HMX3: variants seen among roughly 807,000 people sequenced by gnomAD.
The protein encoded by HMX3 is homeobox protein HMX3.
HMX3 carries 8 observed loss-of-function variants against 22.8 expected under a neutral mutation model. That is an observed-to-expected ratio of 0.35 (90% CI 0.21 to 0.63). HMX3 has a LOEUF of 0.63. HMX3 is among the 30% of genes least tolerant of loss of function. HMX3 has a pLI of 0.72. For synonymous variants in HMX3, 331 were observed against 250.9 expected (o/e 1.32, Z -3.02); for missense variants, 527 against 520.6 (o/e 1.01, Z -0.12).
chr10:123,137,286 A>G lies in HMX3; in HGVS notation c.629A>G (p.Glu210Gly), dbSNP rs1217162600. 6.3e-7 allele frequency: 1 copy of G among 1,599,686 alleles called. No individual in the cohort carries two copies. The highest frequency in any genetic ancestry group is 2.3e-5 in the East Asian group (1 of 44,154). Residue 210 changes from glutamate to glycine, a missense_variant, in exon 2 of 2, where the codon GAA (glutamate) becomes GGA (glycine). Physicochemically the swap from Glu to Gly is moderately conservative, Grantham distance 98. This residue lies in a region of HMX3 where 386 missense variants were observed against 337.8 expected (regional missense o/e 1.14). Coordinates refer to ENST00000357878, the MANE Select transcript of HMX3 (RefSeq NM_001105574.2). The surrounding 1 kb of genome is among the most constrained non-coding windows in gnomAD (Gnocchi z 5.8). ...GCGGCGGCGGCCACTCCGGGCGCAG[A>G]AGACTGGAAGAAGGGCGCTGAAAGT... The part of the protein sequence containing the change: ...VGAAAATPGA[E>G]DWKKGAESPE...
At position 123,135,975 on chromosome 10, in the gene HMX3, C is replaced by T; in HGVS notation, c.-76C>T. On this transcript the variant is annotated 5_prime_UTR_variant, in exon 1 of 2. Transcript: ENST00000357878. ...TTGAGTTCCGTTTATGGTCTGATTT[C>T]CGGCCTCTCGCCTGCTCGCCCCGCC... 7.8e-7 allele frequency: 1 copy of T among 1,280,218 alleles called. No individual in the cohort carries two copies. The allele number at this position is 1,280,218 out of a possible 1,614,324, so 79.3% of individuals were successfully genotyped here.
In HMX3 at chr10:123,137,832, G is replaced by A. The variant is rs2133550208; in HGVS notation, c.*101G>A. The A allele has an allele frequency of 2.3e-6, 2 of 864,688 alleles. No individual in the cohort carries two copies. Among genetic ancestry groups the A allele is most frequent in the Non-Finnish European group, 3.3e-6 (2 of 608,820 alleles). The allele number at this position is 864,688 out of a possible 1,614,324, so 53.6% of individuals were successfully genotyped here. ...CGCCGAGAAGTCCAGCGGCCTTCAG[G>A]AACTGGGGCTTGGGCGCGCAGCCTC... On this transcript the variant is annotated 3_prime_UTR_variant, in exon 2 of 2. Transcript: ENST00000357878. The surrounding 1 kb of genome is among the most constrained non-coding windows in gnomAD (Gnocchi z 5.8).
Position 123,136,024 on chromosome 10 carries a change from T to C in HMX3, c.-27T>C. The C allele has an allele frequency of 1.5e-6, 2 of 1,317,554 alleles. No homozygotes were observed. Among genetic ancestry groups the C allele is most frequent in the South Asian group, 2.2e-5 (1 of 45,366 alleles). 81.6% of individuals were successfully genotyped at this position (1,317,554 alleles called of 1,614,324 possible). ...CCGCCCGCCTGTCCCGCTCCCTCCC[T>C]CCCGGGGACCCGGAGGAGAGGGGAC... On this transcript the variant is annotated 5_prime_UTR_variant, in exon 1 of 2. Coordinates refer to ENST00000357878, the MANE Select transcript of HMX3 (RefSeq NM_001105574.2). This position sits in a 1 kb window ranked among gnomAD's most constrained non-coding sequence, Gnocchi z 4.8.
At position 123,136,473 on chromosome 10, in the gene HMX3, T is replaced by C. The variant is rs1467393313; in HGVS notation, c.400+23T>C. On this transcript the variant is annotated intron_variant, in intron 1 of 1. Transcript: ENST00000357878. This position sits in a 1 kb window ranked among gnomAD's most constrained non-coding sequence, Gnocchi z 4.8. The stretch of plus-strand genomic sequence containing the variant: ...AAGGTACCGACCTCTCTTTGAACTT[T>C]CGTTGTCCCCCTGCGCGCCCGCCCC... 3 of 1,354,530 alleles carry C rather than the reference T, an allele frequency of 2.2e-6. No individual in the cohort carries two copies. Among genetic ancestry groups the C allele is most frequent in the Admixed American group, 3.1e-5 (1 of 32,544 alleles). 83.9% of individuals were successfully genotyped at this position (1,354,530 alleles called of 1,614,324 possible).
Position 123,137,044 on chromosome 10 carries a change from G to T in HMX3, c.401-14G>T. ...GGTGTGCATGTGTGTGCGTCCGTCT[G>T]TCTGTCTCCCCAGCCTCGGAGAAGG... On this transcript the variant is annotated splice_polypyrimidine_tract_variant and intron_variant, in intron 1 of 1. Transcript: ENST00000357878. The surrounding 1 kb of genome is among the most constrained non-coding windows in gnomAD (Gnocchi z 5.8). The T allele has an allele frequency of 6.3e-7, 1 of 1,593,954 alleles. No homozygotes were observed. The highest frequency in any genetic ancestry group is 1.1e-5 in the South Asian group (1 of 88,698).
In HMX3 at chr10:123,137,801, C is replaced by T. The variant is rs1844095209; in HGVS notation, c.*70C>T. The T allele has an allele frequency of 8.3e-7, 1 of 1,209,574 alleles. No homozygotes were observed. Among genetic ancestry groups the T allele is most frequent in the South Asian group, 1.8e-5 (1 of 54,308 alleles). 74.9% of individuals were successfully genotyped at this position (1,209,574 alleles called of 1,614,324 possible). A position where few individuals can be genotyped will look rare whatever the true frequency, so the allele number is the denominator to read the frequency against. On this transcript the variant is annotated 3_prime_UTR_variant, in exon 2 of 2. Coordinates refer to ENST00000357878, the MANE Select transcript of HMX3 (RefSeq NM_001105574.2). The surrounding 1 kb of genome is among the most constrained non-coding windows in gnomAD (Gnocchi z 5.8). The stretch of plus-strand genomic sequence containing the variant: ...GACCCCGGAGGAGACTGGGCCGGGC[C>T]GAGGGCGCCGAGAAGTCCAGCGGCC...
At position 123,136,450 on chromosome 10, in the gene HMX3, G is replaced by T; in HGVS notation, c.400G>T (p.Ala134Ser). The T allele has an allele frequency of 7.0e-7, 1 of 1,419,772 alleles. No homozygotes were observed. 87.9% of individuals were successfully genotyped at this position (1,419,772 alleles called of 1,614,324 possible). A position where few individuals can be genotyped will look rare whatever the true frequency, so the allele number is the denominator to read the frequency against. ...PAGGHLPRPEASEKALLRDSS... is the reference protein window; with the variant it reads ...PAGGHLPRPESSEKALLRDSS... ...CGGCGGCCACCTCCCGCGACCTGAA[G>T]GTACCGACCTCTCTTTGAACTTTCG... The change falls in exon 1 of 2, where the codon GCC becomes TCC. Residue 134 changes from alanine (A) to serine (S), a missense_variant and splice_region_variant. This residue lies in a region of HMX3 where 386 missense variants were observed against 337.8 expected (regional missense o/e 1.14). Transcript: ENST00000357878. This position sits in a 1 kb window ranked among gnomAD's most constrained non-coding sequence, Gnocchi z 4.8.
Position 123,137,440 on chromosome 10 carries a change from C to A in HMX3, c.783C>A (p.Ala261=). Residue 261 remains alanine (A), a synonymous_variant, in exon 2 of 2, where the codon GCC becomes GCA. Coordinates refer to ENST00000357878, the MANE Select transcript of HMX3 (RefSeq NM_001105574.2). This position sits in a 1 kb window ranked among gnomAD's most constrained non-coding sequence, Gnocchi z 5.8. ...GCAGCTCGGAGCGAGCCGGCCTGGC[C>A]GCGTCCCTGCACCTCACCGAGACGC... The part of the protein sequence containing the change: ...YLSSSERAGL[A]ASLHLTETQV... 1.9e-6 allele frequency: 3 copies of A among 1,613,376 alleles called. No homozygotes were observed. The highest frequency in any genetic ancestry group is 2.5e-6 in the Non-Finnish European group (3 of 1,179,930).
In HMX3 at chr10:123,139,101, T is replaced by C. The variant is rs1844111843; in HGVS notation, c.*1370T>C. ...AGAAAGAAACAAGCTTAGGTAGTGA[T>C]GCTCAAAGGAGTAAGTTAGGCATAC... is the stretch of plus-strand genomic sequence containing the variant. On this transcript the variant is annotated 3_prime_UTR_variant, in exon 2 of 2. Coordinates refer to ENST00000357878, the MANE Select transcript of HMX3 (RefSeq NM_001105574.2). Among the ~76,000 whole-genome samples, 1 of 152,182 alleles carries C rather than the reference T, an allele frequency of 6.6e-6. No homozygotes were observed. The highest frequency in any genetic ancestry group is 2.1e-4 in the South Asian group (1 of 4,834).
rs1207374881 is a variant in HMX3, at chr10:123,137,986, G to A, written c.*255G>A. 3.3e-5 allele frequency among the ~76,000 whole-genome samples: 5 copies of A among 152,356 alleles called. No homozygotes were observed. The highest frequency in any genetic ancestry group is 5.9e-5 in the Non-Finnish European group (4 of 68,032). On this transcript the variant is annotated 3_prime_UTR_variant, in exon 2 of 2. Coordinates refer to ENST00000357878, the MANE Select transcript of HMX3 (RefSeq NM_001105574.2). The surrounding 1 kb of genome is among the most constrained non-coding windows in gnomAD (Gnocchi z 5.8). ...TTTTGGCTTATATTAAGAGAAAGCA[G>A]GAACAAGACAAAATTTTCGGGTCAG...
At position 123,137,213 on chromosome 10, in the gene HMX3, A is replaced by C. The variant is rs1417620471; in HGVS notation, c.556A>C (p.Lys186Gln). 1 of 1,599,232 alleles carries C rather than the reference A, an allele frequency of 6.3e-7. No individual in the cohort carries two copies. ...GGAGGAGAGCGACTCCGAGGAAAGC[A>C]AAAAGGAAGGCGAAGCGGCGCCAGG... is the stretch of plus-strand genomic sequence containing the variant. ...ILEESDSEES[K>Q]KEGEAAPGAA... Residue 186 changes from lysine to glutamine, a missense_variant, in exon 2 of 2, where the codon AAA becomes CAA. By Grantham distance (53) the Lys-to-Gln change is moderately conservative. This residue lies in a region of HMX3 where 386 missense variants were observed against 337.8 expected (regional missense o/e 1.14). Transcript: ENST00000357878. The surrounding 1 kb of genome is among the most constrained non-coding windows in gnomAD (Gnocchi z 5.8).
chr10:123,136,323 G>C lies in HMX3; in HGVS notation c.273G>C (p.Leu91=), dbSNP rs768714765. 9 of 1,567,108 alleles carry C rather than the reference G, an allele frequency of 5.7e-6. No homozygotes were observed. The highest frequency in any genetic ancestry group is 2.8e-5 in the African/African-American group (2 of 71,132). The change falls in exon 1 of 2, where the codon CTG becomes CTC. Residue 91 remains leucine (L), a synonymous_variant. Transcript: ENST00000357878. The surrounding 1 kb of genome is among the most constrained non-coding windows in gnomAD (Gnocchi z 4.8). ...TCGCGCTCTCGCAGGTGGGCGACCT[G>C]GCTTTCCCTCGCTTTGAGATCCCGG... ...AGFALSQVGD[L]AFPRFEIPAQ... is the part of the protein sequence containing the mutation.
At position 123,137,327 on chromosome 10, in the gene HMX3, G is replaced by A; in HGVS notation, c.670G>A (p.Ala224Thr). 6.2e-7 allele frequency: 1 copy of A among 1,611,054 alleles called. No individual in the cohort carries two copies. The highest frequency in any genetic ancestry group is 8.5e-7 in the Non-Finnish European group (1 of 1,178,958). The change falls in exon 2 of 2, where the codon GCG becomes ACG. Residue 224 changes from alanine (A) to threonine (T), a missense_variant. Coordinates refer to ENST00000357878, the MANE Select transcript of HMX3 (RefSeq NM_001105574.2). This position sits in a 1 kb window ranked among gnomAD's most constrained non-coding sequence, Gnocchi z 5.8. ...CGCTGAAAGTCCAGAGAAGAAGCCG[G>A]CGTGCCGCAAGAAGAAGACGCGCAC... Reference protein sequence around the residue: ...KGAESPEKKPACRKKKTRTVF... With the variant: ...KGAESPEKKPTCRKKKTRTVF...
chr10:123,137,100 G>A lies in HMX3; in HGVS notation c.443G>A (p.Gly148Asp). The A allele has an allele frequency of 6.2e-7, 1 of 1,610,700 alleles. No homozygotes were observed. Among genetic ancestry groups the A allele is most frequent in the Non-Finnish European group, 8.5e-7 (1 of 1,179,034 alleles). The change falls in exon 2 of 2, where the codon GGC becomes GAC. Residue 148 changes from glycine (G) to aspartate (D), a missense_variant. Transcript: ENST00000357878. The surrounding 1 kb of genome is among the most constrained non-coding windows in gnomAD (Gnocchi z 5.8). ...ALLRDSSPAS[G>D]TDRDSPEPLL... ...CTGAGAGACTCCTCCCCCGCCTCCG[G>A]CACAGACCGCGACTCTCCGGAGCCA...
Position 123,136,423 on chromosome 10 carries a change from G to A in HMX3, c.373G>A (p.Ala125Thr), listed in dbSNP as rs773214968. The A allele has an allele frequency of 2.7e-6, 4 of 1,486,870 alleles. No individual in the cohort carries two copies. Among genetic ancestry groups the A allele is most frequent in the East Asian group, 2.7e-5 (1 of 36,632 alleles). The allele number at this position is 1,486,870 out of a possible 1,614,324, so 92.1% of individuals were successfully genotyped here. The change falls in exon 1 of 2, where the codon GCC becomes ACC. Residue 125 changes from alanine (A) to threonine (T), a missense_variant. Coordinates refer to ENST00000357878, the MANE Select transcript of HMX3 (RefSeq NM_001105574.2). This position sits in a 1 kb window ranked among gnomAD's most constrained non-coding sequence, Gnocchi z 4.8. ...GTGGTACCCCTACACCCTGACCCCC[G>A]CCGGCGGCCACCTCCCGCGACCTGA... Reference protein sequence around the residue: ...AWWYPYTLTPAGGHLPRPEAS... With the variant: ...AWWYPYTLTPTGGHLPRPEAS...
rs775840241 is a variant in HMX3 at position 123,136,186 on chromosome 10, C to T, written c.136C>T (p.Pro46Ser). 47 of 1,429,432 alleles carry T rather than the reference C, an allele frequency of 3.3e-5. No homozygotes were observed. The Admixed American group carries it at 6.5e-4, about 20-fold the overall frequency. 88.5% of individuals were successfully genotyped at this position (1,429,432 alleles called of 1,614,324 possible). ...CAACGGAGACCACCACCGGCCGCCCCCTAAGCCTCAGCCGCCCCCACGGAC... is the reference window on the plus strand; with the variant it reads ...CAACGGAGACCACCACCGGCCGCCCTCTAAGCCTCAGCCGCCCCCACGGAC... Reference protein sequence around the residue: ...LLNGDHHRPPPKPQPPPRTLF... With the variant: ...LLNGDHHRPPSKPQPPPRTLF... The change falls in exon 1 of 2, where the codon CCT becomes TCT. Residue 46 changes from proline (P) to serine (S), a missense_variant. Physicochemically the swap from Pro to Ser is moderately conservative, Grantham distance 74. Around this residue, in one of 3 missense-constraint regions of HMX3, gnomAD observed 386 missense variants for 337.8 expected, o/e 1.14. Transcript: ENST00000357878. This position sits in a 1 kb window ranked among gnomAD's most constrained non-coding sequence, Gnocchi z 4.8.
In HMX3 at chr10:123,136,358, T is replaced by G; in HGVS notation, c.308T>G (p.Phe103Cys). The G allele has an allele frequency of 6.4e-7, 1 of 1,571,210 alleles. No homozygotes were observed. Among genetic ancestry groups the G allele is most frequent in the Non-Finnish European group, 8.6e-7 (1 of 1,159,812 alleles). The change falls in exon 1 of 2, where the codon TTT becomes TGT. Residue 103 changes from phenylalanine to cysteine, a missense_variant. Physicochemically the swap from Phe to Cys is radical, Grantham distance 205. Coordinates refer to ENST00000357878, the MANE Select transcript of HMX3 (RefSeq NM_001105574.2). This position sits in a 1 kb window ranked among gnomAD's most constrained non-coding sequence, Gnocchi z 4.8. ...CGCTTTGAGATCCCGGCGCAGAGGTTTGCCCTGCCCGCGCACTACCTGGAG... is the reference window on the plus strand; with the variant it reads ...CGCTTTGAGATCCCGGCGCAGAGGTGTGCCCTGCCCGCGCACTACCTGGAG... Reference protein sequence around the residue: ...FPRFEIPAQRFALPAHYLERS... With the variant: ...FPRFEIPAQRCALPAHYLERS...
Position 123,139,074 on chromosome 10 carries a change from G to T in HMX3, c.*1343G>T, listed in dbSNP as rs76248977. Among the ~76,000 whole-genome samples, 113 of 152,300 alleles carry T rather than the reference G, an allele frequency of 7.4e-4. 1 individual carries two copies. In the East Asian group the frequency reaches 0.021, roughly 28 times the overall value. On this transcript the variant is annotated 3_prime_UTR_variant, in exon 2 of 2. Transcript: ENST00000357878. Reference sequence around the variant, plus strand: ...AAAAAAGTAGGCAGGGGAAAGGGGGGAAGAAAGAAACAAGCTTAGGTAGTG... The same window carrying T: ...AAAAAAGTAGGCAGGGGAAAGGGGGTAAGAAAGAAACAAGCTTAGGTAGTG...
rs933605682 is a variant in HMX3, at chr10:123,137,719, A to G, written c.1062A>G (p.Leu354=). ...SHPVVSSVPL[L]RPV ...CGGTGGTCTCTTCCGTGCCGCTGCT[A>G]CGGCCGGTCTGAGGCCCCAGAGGGG... Residue 354 remains leucine, a synonymous_variant, in exon 2 of 2, where the codon CTA becomes CTG. Coordinates refer to ENST00000357878, the MANE Select transcript of HMX3 (RefSeq NM_001105574.2). This position sits in a 1 kb window ranked among gnomAD's most constrained non-coding sequence, Gnocchi z 5.8. 6 of 1,441,518 alleles carry G rather than the reference A, an allele frequency of 4.2e-6. No homozygotes were observed. The highest frequency in any genetic ancestry group is 5.4e-6 in the Non-Finnish European group (6 of 1,104,158). 89.3% of individuals were successfully genotyped at this position (1,441,518 alleles called of 1,614,324 possible). A position where few individuals can be genotyped will look rare whatever the true frequency, so the allele number is the denominator to read the frequency against.
Sources: gnomAD v4.1 joint callset for allele counts (sites outside exome capture counted in the v4.1 genomes callset) on GRCh38, gnomAD v4.1.1 for gene constraint, gnomAD v4.1.1 regional missense constraint, Gnocchi (gnomAD v3.1) non-coding constraint, MANE v1.5 for transcripts, NCBI Gene and HGNC (gene_info 2026-07-23, HGNC 2026-07-21) for gene names.